The following CELF2 variants were observed in gnomAD, a reference collection of about 807,000 sequenced individuals.
CELF2 encodes the protein CUG triplet repeat RNA-binding protein 2.
A neutral mutation model predicts 62.6 loss-of-function variants in CELF2; 8 were observed. The ratio of observed to expected loss-of-function variants is 0.13; its 90% CI spans 0.07 to 0.23. The LOEUF is 0.23. Ranked by LOEUF, CELF2 falls within the 10% of genes least tolerant of loss-of-function variation. The pLI, the probability that CELF2 is intolerant of heterozygous loss-of-function variation, is 1.00. For synonymous variants in CELF2, 258 were observed against 250.0 expected (o/e 1.03, Z -0.30); for missense variants, 333 against 671.0 (o/e 0.50, Z 5.56).
the CELF2 span, among the ~76,000 whole-genome samples, chr10:10,564,925 G>T: frequency 6.6e-5 from 10 of 152,196 alleles, no homozygotes; most frequent in Non-Finnish European, 1.3e-4. Flanking sequence ...ACTGTGGTAA[G>T]AGCTCTGCAT....
chr10:11,158,790 A>G (rs931163380), intron 1 of CELF2, among the ~76,000 whole-genome samples: 3 of 152,224 alleles, frequency 2.0e-5, no homozygotes, highest in African/African-American at 7.2e-5. Flanking sequence ...GAGACCCCCA[A>G]CCGAACACAG....
At chr10:11,248,506 T>G (rs2076261098) in intron 3 of CELF2, among the ~76,000 whole-genome samples, 1 of 152,196 alleles carries the variant, frequency 6.6e-6, no homozygotes, top group South Asian at 2.1e-4. Flanking sequence ...TGTATTAGCA[T>G]TTAATAAAAA....
chr10:11,071,935 G>C (rs1157998563), intron 1 of CELF2, among the ~76,000 whole-genome samples: 1 of 152,212 alleles, frequency 6.6e-6, no homozygotes, highest in Non-Finnish European at 1.5e-5. Flanking sequence ...CTGGATGGAA[G>C]TCATAATCAG....
chr10:11,301,407 CT>C (rs1439077234), intron 9 of CELF2, among the ~76,000 whole-genome samples: 2 of 101,308 alleles, frequency 2.0e-5, no homozygotes, highest in African/African-American at 7.5e-5. Context: ...GCTTCCCCCC[CT>C]CCCGCACCCC....
intron 1 of CELF2, among the ~76,000 whole-genome samples, chr10:11,158,550 G>A (rs191165285): frequency 3.3e-5 from 5 of 152,202 alleles, no homozygotes; most frequent in African/African-American, 4.8e-5. Flanking sequence ...TTAAGCTGCT[G>A]CCTTGCTCCC....
At chr10:11,180,816 G>A (rs1220629372) in intron 2 of CELF2, among the ~76,000 whole-genome samples, 1 of 152,120 alleles carries the variant, frequency 6.6e-6, no homozygotes, top group Non-Finnish European at 1.5e-5. Flanking sequence ...CTGAAACTTA[G>A]CAAAGTAACA....
intron 4 of CELF2, among the ~76,000 whole-genome samples, chr10:11,250,472 A>C (rs927093319): frequency 6.6e-6 from 1 of 152,138 alleles, no homozygotes. Context: ...CAAACATGAC[A>C]CTTAGCACCA....
chr10:10,733,252 A>G, the CELF2 span, among the ~76,000 whole-genome samples: 1 of 152,168 alleles, frequency 6.6e-6, no homozygotes, highest in Non-Finnish European at 1.5e-5. Flanking sequence ...GAGATGTGCT[A>G]TTCTTGTTTG....
At chr10:11,185,236 G>A (rs148185333) in intron 2 of CELF2, among the ~76,000 whole-genome samples, 4 of 152,074 alleles carry the variant, frequency 2.6e-5, no homozygotes, top group Non-Finnish European at 4.4e-5. Context: ...GTGAACTGAC[G>A]CAGTCACAGC....
chr10:10,779,464 T>A, the CELF2 span, among the ~76,000 whole-genome samples: 2 of 152,150 alleles, frequency 1.3e-5, no homozygotes, highest in African/African-American at 2.4e-5. Flanking sequence ...CCTTCCTGAT[T>A]CTCCACCCTT....
chr10:11,153,814 G>T (rs2063786013), intron 1 of CELF2, among the ~76,000 whole-genome samples: 1 of 152,176 alleles, frequency 6.6e-6, no homozygotes, highest in African/African-American at 2.4e-5. Flanking sequence ...TTTCTTTTTG[G>T]GTAGGGGGAG....
chr10:10,654,785 A>T, the CELF2 span, among the ~76,000 whole-genome samples: 1 of 148,734 alleles, frequency 6.7e-6, no homozygotes, highest in African/African-American at 2.5e-5. Context: ...AAAAACTGGA[A>T]GCATTCCCTT....
At chr10:10,821,499 C>A (rs1182084641) in intron 1 of CELF2, among the ~76,000 whole-genome samples, 1 of 152,180 alleles carries the variant, frequency 6.6e-6, no homozygotes, top group Non-Finnish European at 1.5e-5. Context: ...GAAGCCCCCT[C>A]CAGGGTTAAA....
intron 1 of CELF2, among the ~76,000 whole-genome samples, chr10:10,841,899 C>T (rs1002033788): frequency 6.6e-6 from 1 of 152,060 alleles, no homozygotes; most frequent in African/African-American, 2.4e-5. Context: ...GACATCTTAA[C>T]AATATTGAGA....
intron 1 of CELF2, among the ~76,000 whole-genome samples, chr10:11,102,686 A>G (rs2052045094): frequency 1.3e-5 from 2 of 152,174 alleles, no homozygotes; most frequent in South Asian, 2.1e-4. Flanking sequence ...CTTGAATGCC[A>G]GTAATTTTGG....
chr10:10,952,636 A>G (rs1050056922), intron 2 of CELF2, among the ~76,000 whole-genome samples: 23 of 151,804 alleles, frequency 1.5e-4, no homozygotes, highest in African/African-American at 5.6e-4. Context: ...CTATCTACAT[A>G]TATTTATTTA....
At position 11,171,013 on chromosome 10, in the gene CELF2, C is replaced by G. The variant is rs910934999; in HGVS notation, c.271+5331C>G. Among the ~76,000 whole-genome samples, 6 of 152,122 alleles carry G rather than the reference C, an allele frequency of 3.9e-5. No homozygotes were observed. In the South Asian group the frequency reaches 6.2e-4, roughly 16 times the overall value. On this transcript the variant is annotated intron_variant, in intron 2 of 12. Coordinates refer to ENST00000633077, the MANE Select transcript of CELF2 (RefSeq NM_001326342.2). The stretch of plus-strand genomic sequence containing the variant: ...GTAGGAACAGCACCTCAGTCCTAAC[C>G]AAATGTCTTGTTGATCACATTTTAC...
At chr10:10,599,952 C>T in the CELF2 span, among the ~76,000 whole-genome samples, 4 of 152,074 alleles carry the variant, frequency 2.6e-5, no homozygotes, top group East Asian at 1.9e-4. Context: ...AGGGTGGTCT[C>T]GATCTCCTGA....
intron 1 of CELF2, among the ~76,000 whole-genome samples, chr10:10,890,871 T>C (rs2062088802): frequency 6.6e-6 from 1 of 152,098 alleles, no homozygotes; most frequent in Admixed American, 6.5e-5. Flanking sequence ...AAAAATTAGC[T>C]GGGCGTGGTG....
Sources: gnomAD v4.1 joint callset for allele counts (sites outside exome capture counted in the v4.1 genomes callset) on GRCh38, gnomAD v4.1.1 for gene constraint, MANE v1.5 for transcripts, NCBI Gene and HGNC (gene_info 2026-07-23, HGNC 2026-07-21) for gene names.